Variants in WWOX observed in about 807,000 individuals in gnomAD.
WWOX encodes the protein WW domain-containing oxidoreductase.
A neutral mutation model predicts 46.2 loss-of-function variants in WWOX; 69 were observed. The observed-to-expected ratio is 1.49, with a 90% CI of 1.23 to 1.82. The LOEUF (loss-of-function observed/expected upper bound fraction) is 1.82, where lower values mean the gene tolerates loss of function less well. WWOX is among the 40% of genes most tolerant of loss of function. WWOX has a pLI of 0.00. For missense variants in WWOX, 919 were observed against 542.6 expected (o/e 1.69, Z -6.89); for synonymous variants, 359 against 202.6 (o/e 1.77, Z -6.56).
At chr16:79,037,890 C>G (rs1003362159) in intron 8 of WWOX, among the ~76,000 whole-genome samples, 1 of 152,064 alleles carries the variant, frequency 6.6e-6, no homozygotes, top group African/African-American at 2.4e-5. Context: ...GTAGAAATGC[C>G]AGCTGCAGCC....
rs577077814 is a variant in WWOX at position 78,655,842 on chromosome 16, C to G, written c.1056+223090C>G. Among the ~76,000 whole-genome samples, 10 of 152,234 alleles carry G rather than the reference C, an allele frequency of 6.6e-5. No homozygotes were observed. In the South Asian group the frequency reaches 1.5e-3, roughly 22 times the overall value. On this transcript the variant is annotated intron_variant, in intron 8 of 8. Coordinates refer to ENST00000566780, the MANE Select transcript of WWOX (RefSeq NM_016373.4). Reference sequence around the variant, plus strand: ...TTAGTCTATATTTAGGTGATGTGGGCTTGATTTTCACAGACCCTGTGGGCT... The same window carrying G: ...TTAGTCTATATTTAGGTGATGTGGGGTTGATTTTCACAGACCCTGTGGGCT...
chr16:78,473,565 T>C (rs1357471355), intron 8 of WWOX, among the ~76,000 whole-genome samples: 3 of 122,352 alleles, frequency 2.5e-5, no homozygotes, highest in East Asian at 2.5e-4. Context: ...GATACACTTA[T>C]CTGTGAGCAG....
At chr16:78,667,212 G>A (rs1326566908) in intron 8 of WWOX, among the ~76,000 whole-genome samples, 4 of 152,080 alleles carry the variant, frequency 2.6e-5, no homozygotes, top group Non-Finnish European at 5.9e-5. Flanking sequence ...CAACTCTTTG[G>A]CATTTAAATT....
At chr16:78,968,461 A>C (rs1172464007) in intron 8 of WWOX, among the ~76,000 whole-genome samples, 1 of 152,238 alleles carries the variant, frequency 6.6e-6, no homozygotes, top group Non-Finnish European at 1.5e-5. Context: ...CAACCTTGCA[A>C]AATGAGATGG....
chr16:79,137,988 C>T (rs772236332), intron 8 of WWOX, among the ~76,000 whole-genome samples: 21 of 152,096 alleles, frequency 1.4e-4, no homozygotes, highest in Non-Finnish European at 2.5e-4. Flanking sequence ...GAAGATAGAC[C>T]CGTTTACATT....
At chr16:78,442,647 C>G (rs927038061) in intron 8 of WWOX, among the ~76,000 whole-genome samples, 1 of 152,168 alleles carries the variant, frequency 6.6e-6, no homozygotes, top group Non-Finnish European at 1.5e-5. Flanking sequence ...CTGTGTCTGT[C>G]ATAGAAGGCC....
intron 8 of WWOX, among the ~76,000 whole-genome samples, chr16:78,460,774 T>C (rs191872332): frequency 1.3e-5 from 2 of 152,374 alleles, no homozygotes; most frequent in East Asian, 3.9e-4. Context: ...GAGTGATCTT[T>C]ACGCCATCCT....
At chr16:79,211,149 G>A (rs1004088525) in intron 8 of WWOX, among the ~76,000 whole-genome samples, 1 of 151,836 alleles carries the variant, frequency 6.6e-6, no homozygotes, top group Non-Finnish European at 1.5e-5. Flanking sequence ...GCCCCACTTG[G>A]GTTTTCTACC....
intron 8 of WWOX, among the ~76,000 whole-genome samples, chr16:79,085,949 G>A (rs952995801): frequency 1.1e-4 from 16 of 152,226 alleles, no homozygotes; most frequent in Non-Finnish European, 2.1e-4. Flanking sequence ...CTACTCACCT[G>A]TAGTCCCAGC....
Position 78,115,053 on chromosome 16 carries a change from C to G in WWOX, c.308C>G (p.Thr103Ser). The G allele has an allele frequency of 1.9e-6, 3 of 1,614,210 alleles. No individual in the cohort carries two copies. Among genetic ancestry groups the G allele is most frequent in the Non-Finnish European group, 2.5e-6 (3 of 1,180,036 alleles). ...TVDDNPTKPT[T>S]RQRYDGSTTA... ...GATGATAATCCGACCAAGCCAACCA[C>G]CCGGCAAAGATACGACGGCAGCACC... Residue 103 changes from threonine (T) to serine (S), a missense_variant, in exon 4 of 9, where the codon ACC (threonine) becomes AGC (serine). Physicochemically the swap from Thr to Ser is moderately conservative, Grantham distance 58. Transcript: ENST00000566780.
At chr16:78,277,741 G>C (rs546963804) in intron 5 of WWOX, among the ~76,000 whole-genome samples, 2 of 152,198 alleles carry the variant, frequency 1.3e-5, no homozygotes, top group Non-Finnish European at 2.9e-5. Context: ...GACTCGGCCA[G>C]TGGTCACTGC....
intron 8 of WWOX, among the ~76,000 whole-genome samples, chr16:79,078,516 G>C (rs765862521): frequency 8.5e-5 from 13 of 152,158 alleles, no homozygotes; most frequent in Non-Finnish European, 1.8e-4. Context: ...TCTGCACACT[G>C]TCCAAACTCC....
At chr16:78,468,264 CTTT>C (rs57174158) in intron 8 of WWOX, among the ~76,000 whole-genome samples, 15 of 136,670 alleles carry the variant, frequency 1.1e-4, no homozygotes, top group African/African-American at 3.5e-4. Context: ...GGCTGCCTTT[CTTT>C]TTTTTTTTTT....
At chr16:78,321,790 G>T (rs1042575750) in intron 5 of WWOX, among the ~76,000 whole-genome samples, 3 of 152,104 alleles carry the variant, frequency 2.0e-5, no homozygotes, top group Non-Finnish European at 4.4e-5. Flanking sequence ...AGTGGCTGTC[G>T]TCTGTTAGTG....
At chr16:78,958,422 T>A (rs1395148363) in intron 8 of WWOX, among the ~76,000 whole-genome samples, 7 of 152,294 alleles carry the variant, frequency 4.6e-5, no homozygotes, top group Non-Finnish European at 1.0e-4. Flanking sequence ...TCATGGATGT[T>A]CTATATTTAA....
chr16:78,708,847 A>G (rs901043662), intron 8 of WWOX, among the ~76,000 whole-genome samples: 1 of 152,248 alleles, frequency 6.6e-6, no homozygotes, highest in African/African-American at 2.4e-5. Context: ...AGCGCCCAGC[A>G]AAGGGCTTGT....
Position 78,815,587 on chromosome 16 carries a change from C to T in WWOX, c.1056+382835C>T, listed in dbSNP as rs540108154. 1.4e-4 allele frequency among the ~76,000 whole-genome samples: 21 copies of T among 152,306 alleles called. No individual in the cohort carries two copies. In the South Asian group the frequency reaches 4.3e-3, roughly 32 times the overall value. Reference sequence around the variant, plus strand: ...CTTGCCCAATGCGTAAGCTGTCCTCCAAAACACACATTTATGGGGGCAGAG... The same window carrying T: ...CTTGCCCAATGCGTAAGCTGTCCTCTAAAACACACATTTATGGGGGCAGAG... On this transcript the variant is annotated intron_variant, in intron 8 of 8. Coordinates refer to ENST00000566780, the MANE Select transcript of WWOX (RefSeq NM_016373.4).
intron 8 of WWOX, among the ~76,000 whole-genome samples, chr16:78,439,863 A>G (rs2083408297): frequency 6.6e-6 from 1 of 152,198 alleles, no homozygotes. Flanking sequence ...GGTGCCAGCC[A>G]TTGCATCCTA....
chr16:78,979,938 C>G (rs921665388), intron 8 of WWOX, among the ~76,000 whole-genome samples: 4 of 152,078 alleles, frequency 2.6e-5, no homozygotes, highest in African/African-American at 9.7e-5. Flanking sequence ...ACCATCCTGG[C>G]TAACATGGTG....
Sources: allele counts gnomAD v4.1 joint callset (sites outside exome capture counted in the v4.1 genomes callset), GRCh38; gene constraint gnomAD v4.1.1; transcripts MANE v1.5; gene names NCBI Gene and HGNC (gene_info 2026-07-23, HGNC 2026-07-21).